Variants in R3HDM2 observed in about 807,000 individuals in gnomAD.
R3HDM2 encodes the protein R3H domain containing 2, also known as R3H domain-containing protein 2.
A neutral mutation model predicts 124.5 loss-of-function variants in R3HDM2; 38 were observed. That is an observed-to-expected ratio of 0.31 (90% confidence interval 0.24 to 0.40). The LOEUF (loss-of-function observed/expected upper bound fraction) is 0.40. Ranked by LOEUF, R3HDM2 falls within the 10% of genes least tolerant of loss-of-function variation. R3HDM2 has a pLI of 1.00. For synonymous variants in R3HDM2, 391 were observed against 448.0 expected (o/e 0.87, Z 1.61); for missense variants, 869 against 1,236.9 (o/e 0.70, Z 4.46).
chr12:57,262,553 A>T (rs1247784659), intron 19 of R3HDM2, among the ~76,000 whole-genome samples: 1 of 152,216 alleles, frequency 6.6e-6, no homozygotes, highest in Non-Finnish European at 1.5e-5. Context: ...ATGTATTAAT[A>T]AACCAGAACA....
At chr12:57,371,118 TACAC>T (rs1209024857) in intron 2 of R3HDM2, among the ~76,000 whole-genome samples, 1 of 116,128 alleles carries the variant, frequency 8.6e-6, no homozygotes, top group Non-Finnish European at 1.7e-5. Flanking sequence ...TTTTTTAAGA[TACAC>T]ACACAAACTC....
chr12:57,317,975 G>T (rs1272308203), intron 2 of R3HDM2, among the ~76,000 whole-genome samples: 29 of 129,364 alleles, frequency 2.2e-4, no homozygotes, highest in African/African-American at 7.6e-4. Flanking sequence ...GCGAGACTCC[G>T]TCCCCGCCCC....
chr12:57,295,727 C>T, intron 9 of R3HDM2: 1 of 499,230 alleles, frequency 2.0e-6, no homozygotes, highest in African/African-American at 1.9e-5. Flanking sequence ...TCTGTCCTAT[C>T]AGTGAAGTGA....
intron 2 of R3HDM2, among the ~76,000 whole-genome samples, chr12:57,312,040 T>G (rs891272736): frequency 2.0e-5 from 3 of 152,276 alleles, no homozygotes; most frequent in African/African-American, 7.2e-5. Flanking sequence ...GGTTACTGAC[T>G]GTACTTCAAC....
chr12:57,359,253 G>C (rs1474910919), intron 2 of R3HDM2, among the ~76,000 whole-genome samples: 1 of 152,068 alleles, frequency 6.6e-6, no homozygotes, highest in East Asian at 1.9e-4. Flanking sequence ...TAGAGATGGT[G>C]TTTCGCCATG....
At chr12:57,351,757 G>C (rs1176660691) in intron 2 of R3HDM2, among the ~76,000 whole-genome samples, 1 of 152,104 alleles carries the variant, frequency 6.6e-6, no homozygotes, top group African/African-American at 2.4e-5. Flanking sequence ...TGTGTGATTT[G>C]TACATGGCAC....
At chr12:57,426,701 C>T (rs1193649272) in intron 1 of R3HDM2, among the ~76,000 whole-genome samples, 2 of 152,124 alleles carry the variant, frequency 1.3e-5, no homozygotes, top group Non-Finnish European at 2.9e-5. Flanking sequence ...TTCCACACTC[C>T]ATCCTCTTCT....
chr12:57,407,250 A>T (rs2068608252), intron 1 of R3HDM2, among the ~76,000 whole-genome samples: 1 of 142,132 alleles, frequency 7.0e-6, no homozygotes, highest in South Asian at 2.2e-4. Flanking sequence ...ACTCCTTCTC[A>T]AGAGAAAAAA....
Position 57,268,285 on chromosome 12 carries a change from C to G in R3HDM2, c.2030+18G>C, listed in dbSNP as rs1369561391. ...GTCTATGGGAGATGTCCTGTCCTGG[C>G]TCTCTGGGAGTCCTCACCTCGTACC... On this transcript the variant is annotated intron_variant, in intron 18 of 23. Coordinates refer to ENST00000402412, the MANE Select transcript of R3HDM2 (RefSeq NM_001394031.1). 6.2e-7 allele frequency: 1 copy of G among 1,610,638 alleles called. No individual in the cohort carries two copies. The highest frequency in any genetic ancestry group is 1.1e-5 in the South Asian group (1 of 90,716).
chr12:57,292,782 A>G (rs1462315509), intron 10 of R3HDM2, 115 bp from the exon 11 acceptor site: 2 of 693,796 alleles, frequency 2.9e-6, no homozygotes, highest in Non-Finnish European at 4.8e-6. Flanking sequence ...AAAAATGGAA[A>G]AAAAAAAGAA....
intron 2 of R3HDM2, among the ~76,000 whole-genome samples, chr12:57,349,705 C>T (rs1188689089): frequency 6.6e-6 from 1 of 151,708 alleles, no homozygotes; most frequent in South Asian, 2.1e-4. Context: ...GGACTACAAG[C>T]ATGTGCCACC....
At chr12:57,283,722 G>C (rs2046702054) in intron 13 of R3HDM2, 102 bp downstream of exon 13, 1 of 1,173,510 alleles carries the variant, frequency 8.5e-7, no homozygotes, top group African/African-American at 1.5e-5. Flanking sequence ...CTGGGCAACA[G>C]AGGAGACTCT....
chr12:57,391,802 T>C (rs886759169), intron 2 of R3HDM2, among the ~76,000 whole-genome samples: 2 of 152,212 alleles, frequency 1.3e-5, no homozygotes, highest in African/African-American at 4.8e-5. Context: ...TGATACAAAT[T>C]ATAGAATCTG....
chr12:57,254,088 G>C lies in R3HDM2; in HGVS notation c.*685C>G, dbSNP rs1195155423. On this transcript the variant is annotated 3_prime_UTR_variant, in exon 24 of 24. Transcript: ENST00000402412. ...AAATATATTCATAAAGACCAAAAAA[G>C]GAAAGGAAGCTTGGGATGTTAAGGT... 1.6e-5 allele frequency: 7 copies of C among 425,458 alleles called. No homozygotes were observed. In the Middle Eastern group the frequency reaches 1.7e-3, roughly 102 times the overall value. 26.4% of individuals were successfully genotyped at this position (425,458 alleles called of 1,614,324 possible). A position where few individuals can be genotyped will look rare whatever the true frequency, so the allele number is the denominator to read the frequency against.
intron 14 of R3HDM2, 53 bp downstream of exon 14, chr12:57,280,305 A>C: frequency 1.3e-6 from 2 of 1,542,230 alleles, no homozygotes; most frequent in Admixed American, 1.8e-5. Context: ...CGGTACATCT[A>C]AAGTTTGCTT....
chr12:57,320,261 CAAAAAA>C (rs56207989), intron 2 of R3HDM2, among the ~76,000 whole-genome samples: 381 of 14,262 alleles, frequency 0.027, 3 homozygotes, highest in African/African-American at 0.074. Flanking sequence ...AACTCTATCT[CAAAAAA>C]AAAAAAAAAA....
At chr12:57,295,544 C>T in intron 9 of R3HDM2, 37 bp from the exon 10 acceptor site, 1 of 1,456,930 alleles carries the variant, frequency 6.9e-7, no homozygotes, top group East Asian at 2.5e-5. Flanking sequence ...GAAAGGAGGA[C>T]AAAGACCGTT....
intron 14 of R3HDM2, among the ~76,000 whole-genome samples, chr12:57,277,123 C>A (rs2045004340): frequency 6.6e-6 from 1 of 151,256 alleles, no homozygotes; most frequent in African/African-American, 2.4e-5. Flanking sequence ...AAAAAGACTG[C>A]CCTGAGGGAT....
intron 2 of R3HDM2, among the ~76,000 whole-genome samples, chr12:57,368,973 G>A (rs1474293439): frequency 6.6e-6 from 1 of 152,140 alleles, no homozygotes; most frequent in Non-Finnish European, 1.5e-5. Flanking sequence ...CATGGCTACG[G>A]TGGGACTAAG....
Sources: allele counts gnomAD v4.1 joint callset (sites outside exome capture counted in the v4.1 genomes callset), GRCh38; gene constraint gnomAD v4.1.1; transcripts MANE v1.5; gene names NCBI Gene and HGNC (gene_info 2026-07-23, HGNC 2026-07-21).